SLC14A2: variants seen among roughly 807,000 people sequenced by gnomAD.
SLC14A2 encodes the protein solute carrier family 14 member 2.
A neutral mutation model predicts 104.6 loss-of-function variants in SLC14A2; 91 were observed. The observed-to-expected ratio is 0.87, with a 90% CI of 0.73 to 1.04. The LOEUF is 1.04. Among genes scored for constraint, SLC14A2 ranks in the 50% least tolerant of loss-of-function variants. The pLI is 0.00. For missense variants in SLC14A2, 1,189 were observed against 1,156.0 expected, an observed-to-expected ratio of 1.03 and a Z score of -0.41; for synonymous variants, 476 against 466.4, an observed-to-expected ratio of 1.02 and a Z score of -0.27.
chr18:45,668,097 C>A, intron 14 of SLC14A2, 75 bp downstream of exon 14: 1 of 1,421,248 alleles, frequency 7.0e-7, no homozygotes, highest in Non-Finnish European at 9.8e-7. Context: ...TTCCTCTTCC[C>A]AGCTGAGAAA....
At chr18:45,185,741 TAATGA>T in the SLC14A2 span, among the ~76,000 whole-genome samples, 1 of 152,130 alleles carries the variant, frequency 6.6e-6, no homozygotes, top group Non-Finnish European at 1.5e-5. Context: ...AAAAAAAATC[TAATGA>T]AATATATGAA....
chr18:45,593,998 T>C (rs2044689589), intron 2 of SLC14A2, among the ~76,000 whole-genome samples: 1 of 152,194 alleles, frequency 6.6e-6, no homozygotes, highest in African/African-American at 2.4e-5. Context: ...GAGAGGCCAG[T>C]GGGTAACCCA....
chr18:45,399,384 G>A (rs1195443014), intron 1 of SLC14A2, among the ~76,000 whole-genome samples: 1 of 152,194 alleles, frequency 6.6e-6, no homozygotes, highest in Non-Finnish European at 1.5e-5. Context: ...CAGAAGGAAT[G>A]CAGCCCTTGA....
At chr18:45,654,918 G>C (rs559542508) in intron 10 of SLC14A2, among the ~76,000 whole-genome samples, 1 of 152,302 alleles carries the variant, frequency 6.6e-6, no homozygotes, top group Non-Finnish European at 1.5e-5. Context: ...GCAGCACTGT[G>C]CTGAGTTGGG....
intron 1 of SLC14A2, among the ~76,000 whole-genome samples, chr18:45,268,205 A>G (rs1205160170): frequency 6.6e-6 from 1 of 152,074 alleles, no homozygotes; most frequent in Non-Finnish European, 1.5e-5. Flanking sequence ...AATACCAAGT[A>G]CCCGATAAAT....
rs147256509 is a variant in SLC14A2 at position 45,639,356 on chromosome 18, T to C, written c.844-390T>C. ...AATCATACATCAAAATGGCCTACTG[T>C]ATTTTCAATATTCCTAGAATATTTG... is the stretch of plus-strand genomic sequence containing the variant. On this transcript the variant is annotated intron_variant, in intron 6 of 19. Transcript: ENST00000255226. Among the ~76,000 whole-genome samples, 6 of 152,308 alleles carry C rather than the reference T, an allele frequency of 3.9e-5. No individual in the cohort carries two copies. The East Asian group carries it at 1.2e-3, about 29-fold the overall frequency.
At chr18:45,573,281 A>ATACTT (rs2044375155) in intron 2 of SLC14A2, among the ~76,000 whole-genome samples, 1 of 152,238 alleles carries the variant, frequency 6.6e-6, no homozygotes, top group Non-Finnish European at 1.5e-5. Flanking sequence ...CCCAGGCTCC[A>ATACTT]TACTTTTGAG....
chr18:45,478,282 C>T (rs1198203349), intron 1 of SLC14A2, among the ~76,000 whole-genome samples: 4 of 152,206 alleles, frequency 2.6e-5, no homozygotes, highest in African/African-American at 9.6e-5. Flanking sequence ...CAACGCCCCA[C>T]CCTGCTTCTG....
chr18:45,358,628 A>C (rs2085578980), intron 1 of SLC14A2, among the ~76,000 whole-genome samples: 1 of 152,214 alleles, frequency 6.6e-6, no homozygotes, highest in Admixed American at 6.5e-5. Flanking sequence ...CCCAGACTGA[A>C]GAGCAGTGAC....
At chr18:45,501,594 G>T (rs2043200190) in intron 2 of SLC14A2, among the ~76,000 whole-genome samples, 1 of 152,228 alleles carries the variant, frequency 6.6e-6, no homozygotes, top group Admixed American at 6.5e-5. Context: ...TGGCAAAGAT[G>T]CAGAAGAGCA....
intron 1 of SLC14A2, among the ~76,000 whole-genome samples, chr18:45,249,476 A>C (rs999108387): frequency 1.3e-4 from 20 of 152,022 alleles, no homozygotes; most frequent in African/African-American, 4.6e-4. Context: ...CATTCATTTG[A>C]GAAAAGACAT....
chr18:45,203,979 G>A, the SLC14A2 span, among the ~76,000 whole-genome samples: 1 of 152,312 alleles, frequency 6.6e-6, no homozygotes, highest in Middle Eastern at 3.4e-3. Flanking sequence ...TACGGAGCTT[G>A]AAGAGTGAAT....
chr18:45,228,374 C>A (rs771148884), intron 1 of SLC14A2, among the ~76,000 whole-genome samples: 1 of 152,068 alleles, frequency 6.6e-6, no homozygotes, highest in Non-Finnish European at 1.5e-5. Flanking sequence ...CTGTGGGAGT[C>A]CTCCCTTAGG....
intron 1 of SLC14A2, among the ~76,000 whole-genome samples, chr18:45,415,912 C>T (rs374365652): frequency 6.6e-6 from 1 of 152,258 alleles, no homozygotes; most frequent in Non-Finnish European, 1.5e-5. Flanking sequence ...TGTTCCCCAT[C>T]GATGTACCTG....
chr18:45,289,218 A>T (rs2144161731), intron 1 of SLC14A2, among the ~76,000 whole-genome samples: 1 of 152,116 alleles, frequency 6.6e-6, no homozygotes, highest in Non-Finnish European at 1.5e-5. Context: ...TTATTTTCTT[A>T]TCACATTTTT....
chr18:45,483,853 C>A (rs1410338340), intron 2 of SLC14A2, among the ~76,000 whole-genome samples: 2 of 152,146 alleles, frequency 1.3e-5, no homozygotes, highest in African/African-American at 4.8e-5. Flanking sequence ...GTTTGACAAG[C>A]AGACCAGCTG....
In SLC14A2 at chr18:45,669,503, G is replaced by A. The variant is rs200113813; in HGVS notation, c.2229+5G>A. On this transcript the variant is annotated splice_donor_5th_base_variant and intron_variant, in intron 16 of 19. Transcript: ENST00000255226. Reference sequence around the variant, plus strand: ...TCAGAGGTCCAAGTGCCCTTGGTACGTATCATGGAAGGAGGAAGGGCAGGT... The same window carrying A: ...TCAGAGGTCCAAGTGCCCTTGGTACATATCATGGAAGGAGGAAGGGCAGGT... 2.6e-4 allele frequency: 418 copies of A among 1,610,470 alleles called. No individual in the cohort carries two copies. Among genetic ancestry groups the A allele is most frequent in the Non-Finnish European group, 3.3e-4 (388 of 1,177,546 alleles).
At chr18:45,427,432 C>A (rs1258686467) in intron 1 of SLC14A2, among the ~76,000 whole-genome samples, 1 of 152,132 alleles carries the variant, frequency 6.6e-6, no homozygotes. Flanking sequence ...GCCAGTGTTT[C>A]CCTTGAAGAC....
intron 2 of SLC14A2, among the ~76,000 whole-genome samples, chr18:45,540,287 G>A (rs987882613): frequency 2.0e-4 from 31 of 152,140 alleles, no homozygotes; most frequent in African/African-American, 7.5e-4. Context: ...TGCTCCTGCT[G>A]TTCTCAGTTA....
Sources: allele counts gnomAD v4.1 joint callset (sites outside exome capture counted in the v4.1 genomes callset), GRCh38; gene constraint gnomAD v4.1.1; transcripts MANE v1.5; gene names NCBI Gene and HGNC (gene_info 2026-07-23, HGNC 2026-07-21).